ERGIC1: variants seen among roughly 807,000 people sequenced by gnomAD.
The protein encoded by ERGIC1 is endoplasmic reticulum-Golgi intermediate compartment protein 1.
A neutral mutation model predicts 38.3 loss-of-function variants in ERGIC1; 19 were observed. The ratio of observed to expected loss-of-function variants is 0.50; its 90% CI spans 0.35 to 0.73. The LOEUF is 0.73. Ranked by LOEUF, ERGIC1 falls within the 30% of genes least tolerant of loss-of-function variation. ERGIC1 has a pLI of 0.01. For missense variants in ERGIC1, 294 were observed against 389.2 expected (o/e 0.76, Z 2.06); for synonymous variants, 124 against 157.6 (o/e 0.79, Z 1.60).
chr5:172,876,942 CA>C (rs55657794), intron 1 of ERGIC1, among the ~76,000 whole-genome samples: 12 of 147,454 alleles, frequency 8.1e-5, no homozygotes, highest in East Asian at 3.9e-4. Context: ...AACTCCGTCT[CA>C]AAAAAAAAAA....
At chr5:172,839,269 A>T (rs952369882) in intron 1 of ERGIC1, among the ~76,000 whole-genome samples, 9 of 150,092 alleles carry the variant, frequency 6.0e-5, no homozygotes, top group African/African-American at 1.2e-4. Context: ...AAGTATATAT[A>T]TATGGGCCAG....
chr5:172,948,001 C>T (rs1764160727), intron 9 of ERGIC1, among the ~76,000 whole-genome samples: 1 of 152,066 alleles, frequency 6.6e-6, no homozygotes, highest in African/African-American at 2.4e-5. Context: ...GGTATAAAAT[C>T]TCCCATCATC....
At chr5:172,907,141 G>T (rs1763051164) in intron 3 of ERGIC1, among the ~76,000 whole-genome samples, 1 of 152,096 alleles carries the variant, frequency 6.6e-6, no homozygotes, top group Non-Finnish European at 1.5e-5. Context: ...CCCATCCAAG[G>T]CGCCGCCATC....
intron 9 of ERGIC1, among the ~76,000 whole-genome samples, chr5:172,945,240 A>C (rs912330654): frequency 6.6e-6 from 1 of 152,182 alleles, no homozygotes; most frequent in Non-Finnish European, 1.5e-5. Context: ...CTTCATCACA[A>C]ACACATCTTG....
intron 3 of ERGIC1, among the ~76,000 whole-genome samples, chr5:172,900,192 CA>C (rs1476779109): frequency 1.3e-5 from 2 of 152,180 alleles, no homozygotes; most frequent in Non-Finnish European, 2.9e-5. Flanking sequence ...GGTGGGGCCC[CA>C]CCCGCAGAAT....
chr5:172,862,211 C>T (rs1163840580), intron 1 of ERGIC1, among the ~76,000 whole-genome samples: 2 of 148,562 alleles, frequency 1.3e-5, no homozygotes, highest in African/African-American at 2.5e-5. Context: ...GGCTGGTGAC[C>T]TCCTGACCTC....
At chr5:172,920,704 G>C (rs1763489526) in intron 5 of ERGIC1, 1 of 485,872 alleles carries the variant, frequency 2.1e-6, no homozygotes, top group Non-Finnish European at 3.8e-6. Flanking sequence ...CAGGTGCTGA[G>C]GGGACAGCCT....
intron 6 of ERGIC1, among the ~76,000 whole-genome samples, 155 bp downstream of exon 6, chr5:172,924,264 CAG>C (rs1006999068): frequency 4.6e-5 from 7 of 152,226 alleles, no homozygotes; most frequent in Non-Finnish European, 1.0e-4. Context: ...TCACCAGGAA[CAG>C]AACAGGGAAA....
chr5:172,944,950 T>C (rs1257427842), intron 9 of ERGIC1, among the ~76,000 whole-genome samples: 1 of 152,192 alleles, frequency 6.6e-6, no homozygotes, highest in African/African-American at 2.4e-5. Context: ...CTGCCTTGGG[T>C]GTGGAACCCT....
At chr5:172,924,509 G>A (rs1007051401) in intron 6 of ERGIC1, among the ~76,000 whole-genome samples, 2 of 152,134 alleles carry the variant, frequency 1.3e-5, no homozygotes, top group East Asian at 3.8e-4. Context: ...TGTGGGGTGC[G>A]AGAGACCCGT....
chr5:172,849,066 G>T (rs1269914416), intron 1 of ERGIC1, among the ~76,000 whole-genome samples: 1 of 152,320 alleles, frequency 6.6e-6, no homozygotes, highest in East Asian at 1.9e-4. Flanking sequence ...TCCTGCCTGG[G>T]CATTAGGATT....
intron 9 of ERGIC1, among the ~76,000 whole-genome samples, chr5:172,947,727 G>A (rs181235988): frequency 1.4e-4 from 22 of 152,276 alleles, no homozygotes; most frequent in South Asian, 1.0e-3. Flanking sequence ...CCCCTCAGGC[G>A]ATGTGCTTTC....
chr5:172,874,849 A>G (rs1470910112), intron 1 of ERGIC1, among the ~76,000 whole-genome samples: 1 of 150,526 alleles, frequency 6.6e-6, no homozygotes, highest in Non-Finnish European at 1.5e-5. Context: ...ACCTGAGCCT[A>G]GGGAGGTTGG....
At chr5:172,868,648 A>G (rs186194740) in intron 1 of ERGIC1, among the ~76,000 whole-genome samples, 1 of 152,312 alleles carries the variant, frequency 6.6e-6, no homozygotes, top group Non-Finnish European at 1.5e-5. Flanking sequence ...ATTTGTCTAA[A>G]CCGAAGGAAT....
At chr5:172,949,674 C>T (rs1272960311) in intron 9 of ERGIC1, among the ~76,000 whole-genome samples, 1 of 147,290 alleles carries the variant, frequency 6.8e-6, no homozygotes, top group African/African-American at 2.5e-5. Context: ...GTATGATTGG[C>T]ATCTCCTGGG....
intron 3 of ERGIC1, among the ~76,000 whole-genome samples, 196 bp downstream of exon 3, chr5:172,897,270 A>T (rs907221549): frequency 6.6e-6 from 1 of 152,002 alleles, no homozygotes; most frequent in African/African-American, 2.4e-5. Context: ...CTACACTAAA[A>T]ATACAAAAAT....
chr5:172,898,966 G>C (rs560276289), intron 3 of ERGIC1, among the ~76,000 whole-genome samples: 17 of 152,216 alleles, frequency 1.1e-4, no homozygotes, highest in Admixed American at 1.1e-3. Context: ...ATGTTATGAG[G>C]TACCTGTTGT....
At chr5:172,903,968 T>TACACACACACACACACACAC (rs70984919) in intron 3 of ERGIC1, among the ~76,000 whole-genome samples, 156 of 150,396 alleles carry the variant, frequency 1.0e-3, no homozygotes, top group Non-Finnish European at 1.6e-3. Context: ...GTCTCACACA[T>TACACACACACACACACACAC]ACACACACAC....
chr5:172,895,681 G>A (rs1762706508), intron 2 of ERGIC1, among the ~76,000 whole-genome samples: 1 of 152,050 alleles, frequency 6.6e-6, no homozygotes, highest in African/African-American at 2.4e-5. Flanking sequence ...TCTGGGAGTA[G>A]GGGAAGCTTC....
Sources: gnomAD v4.1 joint callset for allele counts (sites outside exome capture counted in the v4.1 genomes callset) on GRCh38, gnomAD v4.1.1 for gene constraint, MANE v1.5 for transcripts, NCBI Gene and HGNC (gene_info 2026-07-23, HGNC 2026-07-21) for gene names.